Variants in DCLRE1C observed in about 807,000 individuals in gnomAD.
The protein encoded by DCLRE1C is protein artemis.
DCLRE1C carries 47 observed loss-of-function variants against 61.4 expected under a neutral mutation model. The observed-to-expected ratio is 0.77, with a 90% CI of 0.61 to 0.98. The LOEUF (loss-of-function observed/expected upper bound fraction) is 0.98, where lower values mean the gene tolerates loss of function less well. Among genes scored for constraint, DCLRE1C ranks in the 50% least tolerant of loss-of-function variants. The pLI, the probability that DCLRE1C is intolerant of heterozygous loss-of-function variation, is 0.00. For missense variants in DCLRE1C, 858 were observed against 816.0 expected, an observed-to-expected ratio of 1.05 and a Z score of -0.63; for synonymous variants, 337 against 287.6, an observed-to-expected ratio of 1.17 and a Z score of -1.74.
chr10:14,944,511 T>C (rs1391872959), intron 3 of DCLRE1C, among the ~76,000 whole-genome samples: 4 of 151,510 alleles, frequency 2.6e-5, no homozygotes, highest in African/African-American at 9.7e-5. Flanking sequence ...AAACAAAAAA[T>C]AGAAAATATT....
intron 11 of DCLRE1C, 65 bp downstream of exon 11, chr10:14,926,778 C>A (rs1209000674): frequency 7.7e-7 from 1 of 1,298,368 alleles, no homozygotes. Flanking sequence ...AGGGGACTAC[C>A]TGTCAACTAC....
In DCLRE1C at chr10:14,904,993, C is replaced by A. The variant is rs1435910277; in HGVS notation, c.*3415G>T. On this transcript the variant is annotated 3_prime_UTR_variant, in exon 14 of 14. Transcript: ENST00000378278. ...GACAATAGTTGTTTCTCTTTTAGTT[C>A]ATCAGTTTCTCTTAGCAAAATAAAT... Among the ~76,000 whole-genome samples the A allele has an allele frequency of 6.6e-6, 1 of 152,164 alleles. No individual in the cohort carries two copies. The highest frequency in any genetic ancestry group is 1.5e-5 in the Non-Finnish European group (1 of 68,018).
chr10:14,925,403 A>G (rs985217157), intron 11 of DCLRE1C, among the ~76,000 whole-genome samples: 3 of 152,142 alleles, frequency 2.0e-5, no homozygotes, highest in African/African-American at 7.2e-5. Flanking sequence ...TAAGGCATCA[A>G]TAGCGCCAAT....
chr10:14,920,787 GC>G (rs1372345882), intron 12 of DCLRE1C, among the ~76,000 whole-genome samples: 6 of 151,828 alleles, frequency 4.0e-5, no homozygotes, highest in Non-Finnish European at 8.8e-5. Context: ...TTCAAGACCA[GC>G]CTGGCCAACA....
At position 14,936,536 on chromosome 10, in the gene DCLRE1C, A is replaced by T. The variant is rs1413539097; in HGVS notation, c.362+2T>A. On this transcript the variant is annotated splice_donor_variant, in intron 5 of 13. Coordinates refer to ENST00000378278, the MANE Select transcript of DCLRE1C (RefSeq NM_001033855.3). LOFTEE classifies it high-confidence loss of function. ...AAATGACAAAATAAATGACCCCCTT[A>T]CATAACTGATCCCGGACAGTGACCA... The T allele has an allele frequency of 8.1e-6, 13 of 1,610,678 alleles. No individual in the cohort carries two copies. Among genetic ancestry groups the T allele is most frequent in the Non-Finnish European group, 1.1e-5 (13 of 1,177,040 alleles).
chr10:14,919,312 T>A (rs1050838024), intron 13 of DCLRE1C, among the ~76,000 whole-genome samples: 9 of 152,126 alleles, frequency 5.9e-5, no homozygotes, highest in Admixed American at 5.2e-4. Context: ...GTATAAACAC[T>A]ACTGATCAAC....
chr10:14,919,889 C>G, intron 12 of DCLRE1C, 57 bp from the exon 13 acceptor site: 1 of 1,362,356 alleles, frequency 7.3e-7, no homozygotes, highest in Non-Finnish European at 1.0e-6. Flanking sequence ...AGAAGGTAGA[C>G]ATCATTGATA....
intron 13 of DCLRE1C, 113 bp from the exon 14 acceptor site, chr10:14,909,443 T>C (rs1834878714): frequency 3.3e-6 from 3 of 896,058 alleles, no homozygotes; most frequent in Non-Finnish European, 5.0e-6. Context: ...GCCACTCTTC[T>C]TCAAAGGGAA....
chr10:14,919,967 A>G, intron 12 of DCLRE1C, 135 bp from the exon 13 acceptor site: 1 of 726,904 alleles, frequency 1.4e-6, no homozygotes, highest in Non-Finnish European at 2.4e-6. Context: ...AATCTTGACC[A>G]TAAGGGAAAT....
At chr10:14,920,150 C>CA (rs1167494712) in intron 12 of DCLRE1C, among the ~76,000 whole-genome samples, 6 of 151,934 alleles carry the variant, frequency 3.9e-5, no homozygotes, top group Non-Finnish European at 7.4e-5. Flanking sequence ...TCTTGGAATG[C>CA]AAAAAAAGCA....
At chr10:14,902,723 T>C, downstream of DCLRE1C, 2 of 376,086 alleles carry the variant, frequency 5.3e-6, no homozygotes, top group Non-Finnish European at 9.7e-6. Context: ...ATATTTATAG[T>C]GCTTAGAGAC....
intron 4 of DCLRE1C, 140 bp from the exon 5 acceptor site, chr10:14,936,733 C>A (rs1236339148): frequency 6.1e-6 from 4 of 657,848 alleles, no homozygotes; most frequent in Non-Finnish European, 1.1e-5. Context: ...CACTCCAAAT[C>A]CTAGAAACAA....
chr10:14,921,931 T>C (rs186337659), intron 12 of DCLRE1C, among the ~76,000 whole-genome samples: 23 of 152,350 alleles, frequency 1.5e-4, no homozygotes, highest in African/African-American at 5.5e-4. Flanking sequence ...TCCATCCTCC[T>C]TTCCATCGAC....
chr10:14,922,439 TAA>T (rs76753067), intron 12 of DCLRE1C, among the ~76,000 whole-genome samples: 20 of 124,762 alleles, frequency 1.6e-4, no homozygotes, highest in Admixed American at 3.2e-4. Context: ...AGACCCTGTC[TAA>T]AAAAAAAAAA....
intron 1 of DCLRE1C, among the ~76,000 whole-genome samples, chr10:14,950,446 C>T: frequency 6.6e-6 from 1 of 151,388 alleles, no homozygotes; most frequent in East Asian, 1.9e-4. Flanking sequence ...CACACACACA[C>T]AAGCACCCCC....
chr10:14,932,006 C>A (rs41297974), intron 9 of DCLRE1C, among the ~76,000 whole-genome samples: 7,794 of 151,638 alleles, frequency 0.051, 335 homozygotes, highest in East Asian at 0.16. Context: ...TGCACTCCAA[C>A]CTGGGCAACA....
Position 14,935,470 on chromosome 10 carries a change from C to A in DCLRE1C, c.457G>T (p.Gly153Trp), listed in dbSNP as rs41297018. 6.8e-6 allele frequency: 11 copies of A among 1,613,930 alleles called. No homozygotes were observed. The highest frequency in any genetic ancestry group is 1.6e-4 in the Middle Eastern group (1 of 6,062). Residue 153 changes from glycine to tryptophan, a missense_variant, in exon 6 of 14, where the codon GGG becomes TGG. By Grantham distance (184) the Gly-to-Trp change is radical. Coordinates refer to ENST00000378278, the MANE Select transcript of DCLRE1C (RefSeq NM_001033855.3). ...EAARMELLHSGGRVKDIQSVY... is the reference protein window; with the variant it reads ...EAARMELLHSWGRVKDIQSVY... ...CTATACGAGGCCCAGTACCTGCCCC[C>A]GGAGTGCAGAAGCTCCATTCTAGCA...
chr10:14,919,015 T>C (rs1377122304), intron 13 of DCLRE1C, among the ~76,000 whole-genome samples: 2 of 152,142 alleles, frequency 1.3e-5, no homozygotes, highest in South Asian at 2.1e-4. Flanking sequence ...CTATAACATA[T>C]GTAAGGGACC....
intron 1 of DCLRE1C, among the ~76,000 whole-genome samples, chr10:14,950,367 A>C (rs907715851): frequency 5.9e-5 from 9 of 151,620 alleles, no homozygotes; most frequent in Non-Finnish European, 1.2e-4. Flanking sequence ...CAAAAAAAAA[A>C]AAAAAAAAAC....
Sources: gnomAD v4.1 joint callset for allele counts (sites outside exome capture counted in the v4.1 genomes callset) on GRCh38, gnomAD v4.1.1 for gene constraint, MANE v1.5 for transcripts, NCBI Gene and HGNC (gene_info 2026-07-23, HGNC 2026-07-21) for gene names.